The following SNAP91 variants were observed in gnomAD, a reference collection of about 807,000 sequenced individuals.
The protein encoded by SNAP91 is synaptosome associated protein 91.
In SNAP91, 27 loss-of-function variants were observed where a neutral mutation model predicts 100.3. The observed-to-expected ratio is 0.27, with a 90% confidence interval of 0.20 to 0.37. The LOEUF (loss-of-function observed/expected upper bound fraction) is 0.37. Ranked by LOEUF, SNAP91 falls within the 10% of genes least tolerant of loss-of-function variation. The pLI is 1.00. For synonymous variants in SNAP91, 404 were observed against 398.6 expected (o/e 1.01, Z -0.16); for missense variants, 986 against 1,123.7 (o/e 0.88, Z 1.75).
At chr6:83,678,203 A>G (rs1209291825) in intron 2 of SNAP91, among the ~76,000 whole-genome samples, 1 of 152,136 alleles carries the variant, frequency 6.6e-6, no homozygotes, top group Non-Finnish European at 1.5e-5. Flanking sequence ...TTACATTCAA[A>G]TTATCTCCAA....
At chr6:83,641,062 A>C (rs1331405311) in intron 8 of SNAP91, 34 bp downstream of exon 8, 1 of 1,220,166 alleles carries the variant, frequency 8.2e-7, no homozygotes, top group Non-Finnish European at 1.1e-6. Flanking sequence ...ATATTTAAAA[A>C]ATTATATTCC....
At position 83,622,718 on chromosome 6, in the gene SNAP91, A is replaced by G. The variant is rs1353031726; in HGVS notation, c.807+583T>C. 2.0e-5 allele frequency among the ~76,000 whole-genome samples: 3 copies of G among 151,092 alleles called. No individual in the cohort carries two copies. The East Asian group carries it at 5.8e-4, about 29-fold the overall frequency. On this transcript the variant is annotated intron_variant, in intron 9 of 29. Coordinates refer to ENST00000369694, the MANE Select transcript of SNAP91 (RefSeq NM_001242792.2). ...CATACACAGTACCCTCTTCACAGAT[A>G]AAATGATTGATACAGAAGCCCCTCT...
chr6:83,622,133 A>G (rs1470878397), intron 9 of SNAP91, among the ~76,000 whole-genome samples: 1 of 152,064 alleles, frequency 6.6e-6, no homozygotes, highest in African/African-American at 2.4e-5. Context: ...GTCAAAAAAC[A>G]CTGTTTTCTC....
chr6:83,697,545 TAATATC>T (rs2129030588), intron 2 of SNAP91, among the ~76,000 whole-genome samples: 1 of 152,326 alleles, frequency 6.6e-6, no homozygotes, highest in African/African-American at 2.4e-5. Flanking sequence ...TTTTAACTTT[TAATATC>T]AATTTTCTGA....
chr6:83,622,210 T>TA (rs1206433011), intron 9 of SNAP91, among the ~76,000 whole-genome samples: 1 of 152,084 alleles, frequency 6.6e-6, no homozygotes, highest in Non-Finnish European at 1.5e-5. Context: ...AACTTTTCAC[T>TA]AAAAAATACA....
intron 8 of SNAP91, among the ~76,000 whole-genome samples, chr6:83,627,130 T>C (rs1006380870): frequency 6.6e-6 from 1 of 152,168 alleles, no homozygotes; most frequent in Non-Finnish European, 1.5e-5. Context: ...TTTTTAATTC[T>C]GTTTATGTGG....
chr6:83,587,490 T>G (rs2092910667), intron 22 of SNAP91, among the ~76,000 whole-genome samples: 3 of 152,118 alleles, frequency 2.0e-5, no homozygotes, highest in Non-Finnish European at 2.9e-5. Context: ...CTAGGCTCAT[T>G]TATTTATTTT....
chr6:83,638,130 T>C (rs534677660), intron 8 of SNAP91, among the ~76,000 whole-genome samples: 27 of 152,256 alleles, frequency 1.8e-4, no homozygotes, highest in Non-Finnish European at 2.4e-4. Context: ...ATGGAGCGCC[T>C]TGGGGGATGG....
In SNAP91 at chr6:83,554,032, A is replaced by G. The variant is rs1774130932; in HGVS notation, c.*264T>C. On this transcript the variant is annotated 3_prime_UTR_variant, in exon 30 of 30. Transcript: ENST00000369694. ...AGTCCAAAAAAGCACTAACGGCATC[A>G]GTAACATCCATTCATTGTTTACATC... 1 of 154,606 alleles carries G rather than the reference A, an allele frequency of 6.5e-6. No homozygotes were observed. Among genetic ancestry groups the G allele is most frequent in the Non-Finnish European group, 1.5e-5 (1 of 68,416 alleles). The allele number at this position is 154,606 out of a possible 1,614,324, so 9.6% of individuals were successfully genotyped here.
intron 16 of SNAP91, among the ~76,000 whole-genome samples, chr6:83,596,771 T>A (rs907886099): frequency 1.3e-5 from 2 of 152,164 alleles, no homozygotes; most frequent in African/African-American, 4.8e-5. Flanking sequence ...GATTTTTTTT[T>A]TAAAAAGTCT....
intron 7 of SNAP91, among the ~76,000 whole-genome samples, chr6:83,654,956 A>G (rs1317113266): frequency 6.6e-6 from 1 of 152,190 alleles, no homozygotes; most frequent in African/African-American, 2.4e-5. Context: ...TCTAGCAGAG[A>G]TGCCATTAAA....
At chr6:83,611,885 T>A (rs1194331437) in intron 11 of SNAP91, among the ~76,000 whole-genome samples, 3 of 89,098 alleles carry the variant, frequency 3.4e-5, no homozygotes, top group Non-Finnish European at 7.7e-5. Context: ...TTTTTTTTTT[T>A]TTTTTTTTTG....
In SNAP91 at chr6:83,586,244, T is replaced by A. The variant is rs922475421; in HGVS notation, c.2015-3888A>T. Among the ~76,000 whole-genome samples, 5 of 152,334 alleles carry A rather than the reference T, an allele frequency of 3.3e-5. No individual in the cohort carries two copies. The East Asian group carries it at 7.7e-4, about 23-fold the overall frequency. ...GACTTTTACCTTTTATAGGAAATTGTTACTTTTTAATGCCACACTGGGCAT... is the reference window on the plus strand; with the variant it reads ...GACTTTTACCTTTTATAGGAAATTGATACTTTTTAATGCCACACTGGGCAT... On this transcript the variant is annotated intron_variant, in intron 22 of 29. Coordinates refer to ENST00000369694, the MANE Select transcript of SNAP91 (RefSeq NM_001242792.2).
chr6:83,604,698 G>GCAAATAATCTCTGT (rs1270217882), intron 14 of SNAP91, among the ~76,000 whole-genome samples: 1 of 152,144 alleles, frequency 6.6e-6, no homozygotes, highest in Non-Finnish European at 1.5e-5. Flanking sequence ...TGCTAGTGAT[G>GCAAATAATCTCTGT]CAAATAATCT....
intron 2 of SNAP91, among the ~76,000 whole-genome samples, chr6:83,690,835 A>T (rs2099121776): frequency 6.6e-6 from 1 of 152,122 alleles, no homozygotes; most frequent in African/African-American, 2.4e-5. Flanking sequence ...GACTTTCAAA[A>T]AATATAAGGA....
chr6:83,626,798 C>G (rs1171075036), intron 8 of SNAP91, among the ~76,000 whole-genome samples: 3 of 151,916 alleles, frequency 2.0e-5, no homozygotes, highest in Non-Finnish European at 2.9e-5. Context: ...GAATCATATC[C>G]TTAGCAAAGA....
chr6:83,561,902 C>A (rs1376256781), intron 26 of SNAP91, among the ~76,000 whole-genome samples: 1 of 152,094 alleles, frequency 6.6e-6, no homozygotes, highest in Non-Finnish European at 1.5e-5. Context: ...TGGTGTGTGC[C>A]TGTAGTCTTA....
Position 83,639,769 on chromosome 6 carries a change from A to G in SNAP91, c.765+1327T>C, listed in dbSNP as rs186228212. ...GCTCCTTACTTACATACAATAACAA[A>G]TGAGAAACTGGGATGAATGTACACC... On this transcript the variant is annotated intron_variant, in intron 8 of 29. Transcript: ENST00000369694. Among the ~76,000 whole-genome samples, 8 of 152,254 alleles carry G rather than the reference A, an allele frequency of 5.3e-5. No individual in the cohort carries two copies. In the East Asian group the frequency reaches 1.5e-3, roughly 29 times the overall value.
intron 1 of SNAP91, 108 bp from the exon 2 acceptor site, chr6:83,708,065 C>A: frequency 3.2e-6 from 3 of 940,486 alleles, no homozygotes; most frequent in Non-Finnish European, 4.4e-6. Flanking sequence ...CTCCTCCATC[C>A]CCACCCTGGC....
Sources: gnomAD v4.1 joint callset for allele counts (sites outside exome capture counted in the v4.1 genomes callset) on GRCh38, gnomAD v4.1.1 for gene constraint, MANE v1.5 for transcripts, NCBI Gene and HGNC (gene_info 2026-07-23, HGNC 2026-07-21) for gene names.